Variants in TXNRD2 observed in about 807,000 individuals in gnomAD.
TXNRD2 encodes the protein thioredoxin reductase 2.
A neutral mutation model predicts 70.8 loss-of-function variants in TXNRD2; 67 were observed. That is an observed-to-expected ratio of 0.95 (90% CI 0.78 to 1.16). The LOEUF is 1.16. Among genes scored for constraint, TXNRD2 ranks in the 50% most tolerant of loss-of-function variants. The probability of loss-of-function intolerance (pLI) is 0.00; values close to 1 mark genes in which losing one functional copy is unlikely to be tolerated. For synonymous variants in TXNRD2, 301 were observed against 295.8 expected, an observed-to-expected ratio of 1.02 and a Z score of -0.18; for missense variants, 644 against 719.9, an observed-to-expected ratio of 0.89 and a Z score of 1.21.
intron 5 of TXNRD2, among the ~76,000 whole-genome samples, chr22:19,916,730 A>C (rs1287079180): frequency 6.6e-6 from 1 of 151,424 alleles, no homozygotes; most frequent in African/African-American, 2.4e-5. Context: ...GCCTTGTTTC[A>C]AGTAACTGGA....
intron 7 of TXNRD2, 59 bp downstream of exon 7, chr22:19,915,155 C>A: frequency 6.4e-7 from 1 of 1,559,196 alleles, no homozygotes; most frequent in Non-Finnish European, 8.8e-7. Flanking sequence ...AAACGTATCC[C>A]TCAAAGAGGC....
At chr22:19,887,428 G>A (rs1207472560) in intron 11 of TXNRD2, 1 of 152,176 alleles carries the variant, frequency 6.6e-6, no homozygotes, top group Non-Finnish European at 1.5e-5. Flanking sequence ...TGAAGGACAT[G>A]CCCCTGCTGA....
At chr22:19,927,488 T>C (rs1208545486) in intron 2 of TXNRD2, among the ~76,000 whole-genome samples, 2 of 149,524 alleles carry the variant, frequency 1.3e-5, no homozygotes, top group East Asian at 2.0e-4. Flanking sequence ...ACCCACCTTC[T>C]CCACCAAAAA....
At chr22:19,890,952 C>T (rs1358053253) in intron 11 of TXNRD2, among the ~76,000 whole-genome samples, 1 of 152,190 alleles carries the variant, frequency 6.6e-6, no homozygotes, top group African/African-American at 2.4e-5. Flanking sequence ...CTCCTGGGCA[C>T]CCCAGTCTCT....
intron 2 of TXNRD2, among the ~76,000 whole-genome samples, chr22:19,922,353 C>T (rs747530176): frequency 2.6e-5 from 4 of 152,144 alleles, no homozygotes; most frequent in African/African-American, 4.8e-5. Flanking sequence ...GTGTCTGTCT[C>T]GGTAACTAAA....
chr22:19,882,718 G>C (rs185502073), intron 12 of TXNRD2, among the ~76,000 whole-genome samples: 2 of 152,342 alleles, frequency 1.3e-5, no homozygotes, highest in African/African-American at 4.8e-5. Context: ...GAGGCTGCCA[G>C]GGTGCAGTAT....
At chr22:19,891,989 G>A (rs893009522) in intron 11 of TXNRD2, among the ~76,000 whole-genome samples, 1 of 152,242 alleles carries the variant, frequency 6.6e-6, no homozygotes, top group African/African-American at 2.4e-5. Flanking sequence ...GCAACGGGCA[G>A]GGCCAGCACT....
chr22:19,886,360 C>G lies in TXNRD2; in HGVS notation c.950-2899G>C, dbSNP rs531720397. On this transcript the variant is annotated intron_variant, in intron 11 of 17. Transcript: ENST00000400521. ...TGCTGAGCAAAGGACTGGGCAGTGGCCAGAGAAGGGCCAGATCTCCCTGCT... is the reference window on the plus strand; with the variant it reads ...TGCTGAGCAAAGGACTGGGCAGTGGGCAGAGAAGGGCCAGATCTCCCTGCT... Among the ~76,000 whole-genome samples the G allele has an allele frequency of 4.6e-5, 7 of 152,362 alleles. No homozygotes were observed. The South Asian group carries it at 1.4e-3, about 32-fold the overall frequency.
chr22:19,932,484 G>T, intron 1 of TXNRD2: 1 of 1,597,824 alleles, frequency 6.3e-7, no homozygotes. Flanking sequence ...CCAAAAAAGG[G>T]AGGGATGGAG....
intron 10 of TXNRD2, among the ~76,000 whole-genome samples, chr22:19,896,635 C>T (rs988880080): frequency 1.3e-5 from 2 of 152,236 alleles, no homozygotes; most frequent in Non-Finnish European, 2.9e-5. Context: ...GCCTGTGCGC[C>T]CCAAGTCCAG....
At chr22:19,909,632 C>CACCACTCACAT (rs1353217339) in intron 8 of TXNRD2, among the ~76,000 whole-genome samples, 2 of 117,682 alleles carry the variant, frequency 1.7e-5, no homozygotes, top group African/African-American at 6.3e-5. Context: ...ACCACTCACA[C>CACCACTCACAT]ACCACTCACA....
Position 19,932,420 on chromosome 22 carries a change from G to A in TXNRD2, c.104-1322C>T, listed in dbSNP as rs563396422. On this transcript the variant is annotated intron_variant, in intron 1 of 17. Coordinates refer to ENST00000400521, the MANE Select transcript of TXNRD2 (RefSeq NM_006440.5). ...TCTCAGCCTTTTTAGCCTGCAAAAG[G>A]TGTCATCGTGTCTACTCTGCAAGCT... 116 of 1,612,568 alleles carry A rather than the reference G, an allele frequency of 7.2e-5. No individual in the cohort carries two copies. In the Middle Eastern group the frequency reaches 9.9e-4, roughly 14 times the overall value.
At chr22:19,886,574 C>A (rs908859908) in intron 11 of TXNRD2, among the ~76,000 whole-genome samples, 2 of 152,148 alleles carry the variant, frequency 1.3e-5, no homozygotes, top group Non-Finnish European at 2.9e-5. Context: ...AGCAGTTGTG[C>A]CTGGTCAGCT....
chr22:19,898,248 G>A (rs1280315690), intron 9 of TXNRD2, 118 bp from the exon 10 acceptor site: 1 of 957,256 alleles, frequency 1.0e-6, no homozygotes, highest in East Asian at 2.6e-5. Context: ...CCTGGAGGAG[G>A]CTCCCAACTC....
Position 19,895,549 on chromosome 22 carries a change from T to C in TXNRD2, c.807A>G (p.Ala269=), listed in dbSNP as rs1230178133. 1 of 1,613,140 alleles carries C rather than the reference T, an allele frequency of 6.2e-7. No individual in the cohort carries two copies. The highest frequency in any genetic ancestry group is 1.1e-5 in the South Asian group (1 of 91,086). ...CCCTCAGGAACCGGGTGCCATGAGA[T>C]GCCATGTGCTCTATGACCATGGAGG... ...QMSSMVIEHM[A]SHGTRFLRGC... The change falls in exon 11 of 18, where the codon GCA becomes GCG. Residue 269 remains alanine, a synonymous_variant. Coordinates refer to ENST00000400521, the MANE Select transcript of TXNRD2 (RefSeq NM_006440.5).
chr22:19,897,746 G>T (rs1036425872), intron 10 of TXNRD2, among the ~76,000 whole-genome samples: 1 of 152,182 alleles, frequency 6.6e-6, no homozygotes, highest in East Asian at 1.9e-4. Flanking sequence ...CTAATGGGAC[G>T]ACCCGGAGGG....
At chr22:19,915,731 C>T in intron 6 of TXNRD2, 34 bp downstream of exon 6, 1 of 1,608,732 alleles carries the variant, frequency 6.2e-7, no homozygotes, top group Non-Finnish European at 8.5e-7. Flanking sequence ...CAGAAGGGTC[C>T]ACAAGGAGCC....
intron 2 of TXNRD2, among the ~76,000 whole-genome samples, chr22:19,926,788 ACAAC>A (rs1161317985): frequency 6.6e-6 from 1 of 152,018 alleles, no homozygotes; most frequent in Non-Finnish European, 1.5e-5. Context: ...CTGAAAACAA[ACAAC>A]CAACCAACCA....
chr22:19,913,369 G>A (rs563463826), intron 7 of TXNRD2, among the ~76,000 whole-genome samples: 11 of 152,262 alleles, frequency 7.2e-5, no homozygotes, highest in African/African-American at 2.6e-4. Context: ...CCACCTCAGC[G>A]GCAGCCCTGA....
Sources: allele counts gnomAD v4.1 joint callset (sites outside exome capture counted in the v4.1 genomes callset), GRCh38; gene constraint gnomAD v4.1.1; transcripts MANE v1.5; gene names NCBI Gene and HGNC (gene_info 2026-07-23, HGNC 2026-07-21).